The following MYZAP variants were observed in gnomAD, a reference collection of about 807,000 sequenced individuals.
MYZAP encodes myocardial zonula adherens protein.
MYZAP carries 66 observed loss-of-function variants against 69.4 expected under a neutral mutation model. That is an observed-to-expected ratio of 0.95 (90% CI 0.78 to 1.17). The LOEUF is 1.17. MYZAP is among the 50% of genes most tolerant of loss of function. The probability of loss-of-function intolerance (pLI) is 0.00; values close to 1 mark genes in which losing one functional copy is unlikely to be tolerated. For synonymous variants in MYZAP, 256 were observed against 205.9 expected, an observed-to-expected ratio of 1.24 and a Z score of -2.09; for missense variants, 611 against 556.2, an observed-to-expected ratio of 1.10 and a Z score of -0.99.
At chr15:57,609,909 T>C (rs918768921) in intron 2 of MYZAP, among the ~76,000 whole-genome samples, 1 of 152,180 alleles carries the variant, frequency 6.6e-6, no homozygotes, top group Admixed American at 6.5e-5. Context: ...TTCTTATCCA[T>C]AGTCATGTGC....
chr15:57,613,036 A>G (rs2035209526), intron 2 of MYZAP, among the ~76,000 whole-genome samples: 1 of 151,860 alleles, frequency 6.6e-6, no homozygotes, highest in East Asian at 1.9e-4. Context: ...GGTTCACACC[A>G]TTCTCCTGCC....
At chr15:57,613,077 G>A (rs7163631) in intron 2 of MYZAP, among the ~76,000 whole-genome samples, 45,910 of 151,442 alleles carry the variant, frequency 0.3, 7,224 homozygotes, top group East Asian at 0.55. Flanking sequence ...GACTACAGGC[G>A]CCTGCCACCA....
At chr15:57,593,192 A>G (rs143582322) in intron 1 of MYZAP, among the ~76,000 whole-genome samples, 15 of 57,184 alleles carry the variant, frequency 2.6e-4, no homozygotes, top group African/African-American at 6.6e-4. Flanking sequence ...ACAGGCGCAC[A>G]CACACACACA....
intron 2 of MYZAP, among the ~76,000 whole-genome samples, chr15:57,609,015 ACCCAGGCTGC>A (rs2034937327): frequency 6.6e-6 from 1 of 152,152 alleles, no homozygotes; most frequent in Non-Finnish European, 1.5e-5. Flanking sequence ...CCTACAGGAC[ACCCAGGCTGC>A]CCCTTTCACT....
In MYZAP at chr15:57,633,376, A is replaced by G. The variant is rs144065107; in HGVS notation, c.805-237A>G. Among the ~76,000 whole-genome samples, 70 of 152,282 alleles carry G rather than the reference A, an allele frequency of 4.6e-4. 1 individual carries two copies. The highest frequency in any genetic ancestry group is 9.1e-4 in the Admixed American group (14 of 15,302). ...TTACACCTTTTGGATATAAAGACTT[A>G]AGGGAAAAAAGGGAAAAAAATGTAG... On this transcript the variant is annotated intron_variant, in intron 7 of 12. Coordinates refer to ENST00000267853, the MANE Select transcript of MYZAP (RefSeq NM_001018100.5).
intron 10 of MYZAP, chr15:57,648,297 A>T: frequency 1.0e-6 from 1 of 985,346 alleles, no homozygotes; most frequent in Non-Finnish European, 1.2e-6. Context: ...AAGGGAAAGG[A>T]TATTTTCTTT....
At chr15:57,661,077 A>G (rs2038275821) in intron 10 of MYZAP, among the ~76,000 whole-genome samples, 1 of 152,196 alleles carries the variant, frequency 6.6e-6, no homozygotes, top group Non-Finnish European at 1.5e-5. Context: ...AGTTGTATCT[A>G]CATTTCCCAA....
intron 10 of MYZAP, chr15:57,646,667 C>T (rs2037462107): frequency 1.0e-6 from 1 of 990,164 alleles, no homozygotes; most frequent in Non-Finnish European, 1.2e-6. Flanking sequence ...CAGGAGCAGC[C>T]AGGTATCCAT....
At chr15:57,623,757 A>G (rs2035959961) in intron 4 of MYZAP, among the ~76,000 whole-genome samples, 1 of 151,982 alleles carries the variant, frequency 6.6e-6, no homozygotes, top group Non-Finnish European at 1.5e-5. Flanking sequence ...AGGGAAAGTA[A>G]GATAAACGAT....
chr15:57,659,221 A>T (rs1252395161), intron 10 of MYZAP, among the ~76,000 whole-genome samples: 1 of 152,168 alleles, frequency 6.6e-6, no homozygotes, highest in Non-Finnish European at 1.5e-5. Context: ...GTTTTCAGGC[A>T]TAACAAGGTA....
At chr15:57,674,300 A>G (rs1329131318) in intron 11 of MYZAP, among the ~76,000 whole-genome samples, 5 of 152,110 alleles carry the variant, frequency 3.3e-5, no homozygotes, top group African/African-American at 1.2e-4. Flanking sequence ...TGAGCATCTA[A>G]TCTTTAACTT....
intron 10 of MYZAP, chr15:57,646,808 A>G (rs1352061735): frequency 1.6e-5 from 16 of 985,388 alleles, no homozygotes; most frequent in African/African-American, 5.2e-5. Flanking sequence ...TTTTGCCTGA[A>G]TTGGTTCAAC....
chr15:57,674,965 C>T lies in MYZAP; in HGVS notation c.1204-3C>T. ...TGAAAGTACCTTTTTTTCTCATCTC[C>T]AGAATAATGAACTACAAAGCAGGTT... On this transcript the variant is annotated splice_region_variant and splice_polypyrimidine_tract_variant and intron_variant, in intron 11 of 12. Transcript: ENST00000267853. The T allele has an allele frequency of 1.2e-6, 2 of 1,607,328 alleles. No homozygotes were observed. The highest frequency in any genetic ancestry group is 1.7e-5 in the Admixed American group (1 of 58,618).
chr15:57,674,608 A>G (rs2039025211), intron 11 of MYZAP, among the ~76,000 whole-genome samples: 1 of 152,260 alleles, frequency 6.6e-6, no homozygotes, highest in Non-Finnish European at 1.5e-5. Context: ...GTATCCATAG[A>G]ATGGAATACT....
At chr15:57,611,258 A>G (rs1314656595) in intron 2 of MYZAP, among the ~76,000 whole-genome samples, 6 of 152,168 alleles carry the variant, frequency 3.9e-5, no homozygotes, top group Admixed American at 3.9e-4. Context: ...CAGCTAGTAG[A>G]TAGTGGATTT....
intron 10 of MYZAP, among the ~76,000 whole-genome samples, chr15:57,652,245 C>A (rs1185906704): frequency 6.6e-6 from 1 of 152,094 alleles, no homozygotes; most frequent in African/African-American, 2.4e-5. Context: ...TTTGTTGTGG[C>A]CTTAATTCAT....
chr15:57,615,654 T>A (rs2035387473), intron 2 of MYZAP, among the ~76,000 whole-genome samples: 1 of 152,260 alleles, frequency 6.6e-6, no homozygotes, highest in Non-Finnish European at 1.5e-5. Flanking sequence ...TTGGGGAGTT[T>A]CATTAGAGCT....
intron 8 of MYZAP, among the ~76,000 whole-genome samples, chr15:57,636,119 CT>C (rs1197483127): frequency 1.3e-5 from 2 of 151,482 alleles, no homozygotes; most frequent in African/African-American, 4.9e-5. Context: ...TTATGACAGC[CT>C]TTTTCTTTCT....
Position 57,621,205 on chromosome 15 carries a change from C to CTTTTTTTTTTTTTTT in MYZAP, c.319-401_319-387dup, listed in dbSNP as rs61201214. ...TTATGTGGGGTCCTTCTTTCTTTTT[C>CTTTTTTTTTTTTTTT]TTTTTTTTTTTTTTTTGTTTTTTGA... is the stretch of plus-strand genomic sequence containing the variant. On this transcript the variant is annotated intron_variant, in intron 3 of 12. Transcript: ENST00000267853. Among the ~76,000 whole-genome samples, 130 of 127,288 alleles carry CTTTTTTTTTTTTTTT rather than the reference C, an allele frequency of 1.0e-3. 1 individual carries two copies. Among genetic ancestry groups the CTTTTTTTTTTTTTTT allele is most frequent in the Middle Eastern group, 4.5e-3 (1 of 222 alleles). 83.5% of individuals were successfully genotyped at this position (127,288 alleles called of 152,430 possible).
Sources: allele counts gnomAD v4.1 joint callset (sites outside exome capture counted in the v4.1 genomes callset), GRCh38; gene constraint gnomAD v4.1.1; transcripts MANE v1.5; gene names NCBI Gene and HGNC (gene_info 2026-07-23, HGNC 2026-07-21).